IL1RAPL2: variants seen among roughly 807,000 people sequenced by gnomAD.
IL1RAPL2 encodes the protein X-linked interleukin-1 receptor accessory protein-like 2.
Under a neutral mutation model 44.1 loss-of-function variants are expected in IL1RAPL2, and 3 were observed. That is an observed-to-expected ratio of 0.07 (90% CI 0.03 to 0.18). The LOEUF (loss-of-function observed/expected upper bound fraction) is 0.18. Ranked by LOEUF, IL1RAPL2 falls within the 10% of genes least tolerant of loss-of-function variation. The pLI is 1.00. For synonymous variants in IL1RAPL2, 181 were observed against 178.8 expected (o/e 1.01, Z -0.10); for missense variants, 391 against 496.4 (o/e 0.79, Z 2.02).
chrX:105,580,955 TA>T (rs1164387212), intron 6 of IL1RAPL2, among the ~76,000 whole-genome samples: 57 of 112,111 alleles, frequency 5.1e-4, no homozygotes, highest in African/African-American at 1.8e-3. Flanking sequence ...CATTCTGTAA[TA>T]TTTTTTTTCT....
intron 2 of IL1RAPL2, among the ~76,000 whole-genome samples, chrX:104,701,072 C>A (rs993824142): frequency 9.0e-6 from 1 of 111,327 alleles, no homozygotes; most frequent in African/African-American, 3.3e-5. Flanking sequence ...TGAGTAAAAA[C>A]TCAAACTTCT....
chrX:104,890,976 T>A (rs1235662910), intron 2 of IL1RAPL2, among the ~76,000 whole-genome samples: 1 of 112,041 alleles, frequency 8.9e-6, no homozygotes, highest in Non-Finnish European at 1.9e-5. Context: ...AATTTTTGTA[T>A]AAGGTGTAAG....
At chrX:105,748,018 A>G (rs2038564341) in intron 8 of IL1RAPL2, among the ~76,000 whole-genome samples, 1 of 111,502 alleles carries the variant, frequency 9.0e-6, no homozygotes, top group Admixed American at 9.6e-5. Flanking sequence ...TCTCAGATTC[A>G]GTATTTTTCC....
intron 5 of IL1RAPL2, among the ~76,000 whole-genome samples, chrX:105,368,799 C>T (rs756787571): frequency 1.8e-5 from 2 of 110,818 alleles, no homozygotes; most frequent in Admixed American, 9.7e-5. Flanking sequence ...TCTCCTCCTT[C>T]GGGTACACTG....
chrX:105,648,394 T>A (rs765462149), intron 6 of IL1RAPL2, among the ~76,000 whole-genome samples: 8 of 111,495 alleles, frequency 7.2e-5, no homozygotes, highest in Non-Finnish European at 1.5e-4. Flanking sequence ...TTTCTGCAGG[T>A]TGTCTCAGGC....
In IL1RAPL2 at chrX:105,445,175, G is replaced by T. The variant is rs772186897; in HGVS notation, c.698-39138G>T. 8.1e-5 allele frequency among the ~76,000 whole-genome samples: 9 copies of T among 111,241 alleles called. No homozygotes were observed. The South Asian group carries it at 3.4e-3, about 41-fold the overall frequency. On this transcript the variant is annotated intron_variant, in intron 5 of 10. Coordinates refer to ENST00000372582, the MANE Select transcript of IL1RAPL2 (RefSeq NM_017416.2). ...ATTATTCTAGATTTTCCAATTAATT[G>T]GCATAACTTACTCATAGTAGCCACT...
chrX:104,958,536 A>G (rs1317488346), intron 2 of IL1RAPL2, among the ~76,000 whole-genome samples: 7 of 101,124 alleles, frequency 6.9e-5, no homozygotes, highest in African/African-American at 2.6e-4. Flanking sequence ...CCACAGAAGC[A>G]GGGCAGATAG....
At chrX:105,061,372 T>A (rs1378344980) in intron 2 of IL1RAPL2, among the ~76,000 whole-genome samples, 2 of 112,206 alleles carry the variant, frequency 1.8e-5, no homozygotes, top group East Asian at 5.6e-4. Context: ...GTTATTTATT[T>A]CTTGTTCTAT....
intron 6 of IL1RAPL2, among the ~76,000 whole-genome samples, chrX:105,536,647 T>G (rs1483051232): frequency 1.8e-5 from 2 of 111,205 alleles, no homozygotes; most frequent in Non-Finnish European, 3.8e-5. Context: ...CACAACATAG[T>G]ACATTTTTAA....
At chrX:104,716,668 A>G (rs1406039177) in intron 2 of IL1RAPL2, among the ~76,000 whole-genome samples, 1 of 111,878 alleles carries the variant, frequency 8.9e-6, no homozygotes, top group Admixed American at 9.5e-5. Context: ...AGCATATGAA[A>G]AAAAGCCCAA....
intron 2 of IL1RAPL2, among the ~76,000 whole-genome samples, chrX:104,910,473 C>G (rs747353066): frequency 8.9e-6 from 1 of 111,840 alleles, no homozygotes; most frequent in African/African-American, 3.3e-5. Context: ...CACCCATCAA[C>G]CTATCATCTA....
At chrX:105,611,074 G>A (rs1422239559) in intron 6 of IL1RAPL2, among the ~76,000 whole-genome samples, 1 of 110,982 alleles carries the variant, frequency 9.0e-6, no homozygotes, top group Non-Finnish European at 1.9e-5. Flanking sequence ...GCTAATATGT[G>A]TGTTTGTGTC....
chrX:105,735,363 T>A (rs1460697786), intron 7 of IL1RAPL2, among the ~76,000 whole-genome samples: 1 of 102,601 alleles, frequency 9.7e-6, no homozygotes, highest in East Asian at 2.9e-4. Context: ...AATAAGTGAG[T>A]TTTTTTGTAT....
At chrX:104,675,353 T>A (rs1287951552) in intron 2 of IL1RAPL2, among the ~76,000 whole-genome samples, 2 of 112,092 alleles carry the variant, frequency 1.8e-5, no homozygotes, top group Non-Finnish European at 3.8e-5. Flanking sequence ...CATTTCGTTA[T>A]GTACCCAGTG....
At chrX:104,758,424 G>A (rs1381648017) in intron 2 of IL1RAPL2, among the ~76,000 whole-genome samples, 1 of 110,652 alleles carries the variant, frequency 9.0e-6, no homozygotes, top group Non-Finnish European at 1.9e-5. Context: ...CTCCCCATTT[G>A]ATTATAATAA....
intron 5 of IL1RAPL2, among the ~76,000 whole-genome samples, chrX:105,301,823 TG>T (rs1451823957): frequency 8.9e-6 from 1 of 112,329 alleles, no homozygotes; most frequent in Non-Finnish European, 1.9e-5. Flanking sequence ...TGAATAGCAT[TG>T]CAGTAAACAT....
intron 2 of IL1RAPL2, among the ~76,000 whole-genome samples, chrX:104,815,147 T>G: frequency 9.0e-6 from 1 of 111,633 alleles, no homozygotes; most frequent in East Asian, 2.8e-4. Context: ...AAGAAAAATC[T>G]AAGAAAGCAA....
chrX:104,592,622 C>T (rs181156504), intron 1 of IL1RAPL2, among the ~76,000 whole-genome samples: 54 of 111,565 alleles, frequency 4.8e-4, no homozygotes, highest in Admixed American at 1.1e-3. Context: ...TTAACAGTCG[C>T]ACAGGATGTC....
intron 9 of IL1RAPL2, among the ~76,000 whole-genome samples, chrX:105,753,488 G>T (rs1449555152): frequency 9.0e-6 from 1 of 111,368 alleles, no homozygotes; most frequent in African/African-American, 3.3e-5. Flanking sequence ...ATCATCGGCA[G>T]CCCTGAGTCC....
Sources: allele counts gnomAD v4.1 joint callset (sites outside exome capture counted in the v4.1 genomes callset), GRCh38; gene constraint gnomAD v4.1.1; transcripts MANE v1.5; gene names NCBI Gene and HGNC (gene_info 2026-07-23, HGNC 2026-07-21).